The following DPYD variants were observed in gnomAD, a reference collection of about 807,000 sequenced individuals.
DPYD encodes dihydropyrimidine dehydrogenase [NADP(+)].
DPYD carries 109 observed loss-of-function variants against 116.2 expected under a neutral mutation model. The ratio of observed to expected loss-of-function variants is 0.94; its 90% CI spans 0.80 to 1.10. The LOEUF (loss-of-function observed/expected upper bound fraction) is 1.10, where lower values mean the gene tolerates loss of function less well. Among genes scored for constraint, DPYD ranks in the 50% least tolerant of loss-of-function variants. The pLI, the probability that DPYD is intolerant of heterozygous loss-of-function variation, is 0.00. For missense variants in DPYD, 1,302 were observed against 1,254.5 expected (o/e 1.04, Z -0.57); for synonymous variants, 440 against 432.0 (o/e 1.02, Z -0.23).
chr1:97,865,223 A>G (rs1291323330), intron 2 of DPYD, among the ~76,000 whole-genome samples: 1 of 151,942 alleles, frequency 6.6e-6, no homozygotes, highest in Non-Finnish European at 1.5e-5. Flanking sequence ...AATTTAAAAT[A>G]AACAGCTCTA....
intron 8 of DPYD, among the ~76,000 whole-genome samples, chr1:97,627,018 T>C (rs941951597): frequency 6.6e-6 from 1 of 152,010 alleles, no homozygotes; most frequent in Admixed American, 6.6e-5. Flanking sequence ...CAGATCAGTG[T>C]GTCAGCATGT....
chr1:97,248,887 G>A (rs1238832781), intron 18 of DPYD, among the ~76,000 whole-genome samples: 1 of 152,060 alleles, frequency 6.6e-6, no homozygotes, highest in African/African-American at 2.4e-5. Flanking sequence ...AGTACATTTA[G>A]AAAAGATATG....
At chr1:97,436,769 C>A (rs1487713919) in intron 14 of DPYD, among the ~76,000 whole-genome samples, 1 of 151,930 alleles carries the variant, frequency 6.6e-6, no homozygotes, top group Non-Finnish European at 1.5e-5. Flanking sequence ...TCATTTTTAA[C>A]TTCATGTTAA....
At chr1:97,780,408 A>C (rs1423774767) in intron 3 of DPYD, among the ~76,000 whole-genome samples, 1 of 152,240 alleles carries the variant, frequency 6.6e-6, no homozygotes, top group East Asian at 1.9e-4. Context: ...CAAAAGAACA[A>C]TAAATTTTTT....
intron 12 of DPYD, among the ~76,000 whole-genome samples, chr1:97,524,511 G>A (rs1648911563): frequency 6.6e-6 from 1 of 152,054 alleles, no homozygotes; most frequent in South Asian, 2.1e-4. Context: ...ACTCAGAAAA[G>A]GCCTATTCAA....
At chr1:97,898,500 GT>G (rs989393638) in intron 1 of DPYD, among the ~76,000 whole-genome samples, 1 of 151,866 alleles carries the variant, frequency 6.6e-6, no homozygotes, top group African/African-American at 2.4e-5. Flanking sequence ...ATTTGTTTAT[GT>G]TTCTCAGGGA....
At chr1:97,256,382 C>T (rs1663466827) in intron 18 of DPYD, among the ~76,000 whole-genome samples, 1 of 152,022 alleles carries the variant, frequency 6.6e-6, no homozygotes. Flanking sequence ...ATTGTAGCTT[C>T]CACAATTCCC....
chr1:97,275,712 T>A (rs1444327442), intron 18 of DPYD, among the ~76,000 whole-genome samples: 1 of 152,190 alleles, frequency 6.6e-6, no homozygotes, highest in Non-Finnish European at 1.5e-5. Context: ...AGTTTGCCAA[T>A]TATTTATAAG....
At chr1:97,160,998 C>A (rs375464353) in intron 20 of DPYD, among the ~76,000 whole-genome samples, 2 of 152,126 alleles carry the variant, frequency 1.3e-5, no homozygotes, top group Non-Finnish European at 2.9e-5. Context: ...TCATCCCCAA[C>A]CATAGCAAAG....
intron 20 of DPYD, among the ~76,000 whole-genome samples, chr1:97,181,677 A>G (rs1657650535): frequency 6.6e-6 from 1 of 152,166 alleles, no homozygotes. Flanking sequence ...CAAAGCAGAG[A>G]AGGAATCAAC....
intron 3 of DPYD, among the ~76,000 whole-genome samples, chr1:97,802,709 C>G (rs1379324369): frequency 6.6e-6 from 1 of 151,898 alleles, no homozygotes; most frequent in Admixed American, 6.6e-5. Flanking sequence ...CTTGGTTGAA[C>G]TTTCTAAAAC....
intron 13 of DPYD, among the ~76,000 whole-genome samples, chr1:97,489,809 T>C (rs945257487): frequency 6.6e-6 from 1 of 152,202 alleles, no homozygotes; most frequent in Non-Finnish European, 1.5e-5. Context: ...TAAATAAAAC[T>C]GGCACAAAGT....
At chr1:97,575,215 T>C (rs1653188151) in intron 10 of DPYD, among the ~76,000 whole-genome samples, 1 of 152,332 alleles carries the variant, frequency 6.6e-6, no homozygotes, top group African/African-American at 2.4e-5. Context: ...TATTAGATTA[T>C]AGCTGACTGG....
intron 3 of DPYD, among the ~76,000 whole-genome samples, chr1:97,811,093 CTTGA>C (rs1218464424): frequency 6.6e-6 from 1 of 152,134 alleles, no homozygotes; most frequent in East Asian, 1.9e-4. Flanking sequence ...CAGACTTCAG[CTTGA>C]TTAACTCTTT....
At chr1:97,791,152 T>G in intron 3 of DPYD, among the ~76,000 whole-genome samples, 1 of 152,226 alleles carries the variant, frequency 6.6e-6, no homozygotes, top group East Asian at 1.9e-4. Flanking sequence ...AAGAAATATT[T>G]AATGCTTCCC....
At chr1:97,105,318 C>A (rs1395451999) in intron 20 of DPYD, among the ~76,000 whole-genome samples, 2 of 151,856 alleles carry the variant, frequency 1.3e-5, no homozygotes, top group African/African-American at 2.4e-5. Flanking sequence ...AAAGAGAGGG[C>A]AAGAGAGAAG....
At chr1:97,746,296 G>A (rs1402235458) in intron 3 of DPYD, among the ~76,000 whole-genome samples, 1 of 152,016 alleles carries the variant, frequency 6.6e-6, no homozygotes, top group Admixed American at 6.6e-5. Context: ...AAGCAACTGT[G>A]ATTTAGCTGT....
chr1:97,374,840 G>A (rs188212406), intron 15 of DPYD, among the ~76,000 whole-genome samples: 12 of 150,222 alleles, frequency 8.0e-5, no homozygotes, highest in Non-Finnish European at 1.8e-4. Flanking sequence ...GACCAGCCAG[G>A]CAACACAGTG....
At chr1:97,161,074 G>A (rs114716625) in intron 20 of DPYD, among the ~76,000 whole-genome samples, 247 of 152,228 alleles carry the variant, frequency 1.6e-3, no homozygotes, top group African/African-American at 5.7e-3. Flanking sequence ...CACATATCTT[G>A]AATTGGCTGA....
Sources: gnomAD v4.1 joint callset for allele counts (sites outside exome capture counted in the v4.1 genomes callset) on GRCh38, gnomAD v4.1.1 for gene constraint, MANE v1.5 for transcripts, NCBI Gene and HGNC (gene_info 2026-07-23, HGNC 2026-07-21) for gene names.